ZNF18: variants seen among roughly 807,000 people sequenced by gnomAD.
ZNF18 encodes the protein zinc finger protein 18.
Under a neutral mutation model 58.1 loss-of-function variants are expected in ZNF18, and 42 were observed. The observed-to-expected ratio is 0.72, with a 90% CI of 0.56 to 0.93. The LOEUF (loss-of-function observed/expected upper bound fraction) is 0.93, where lower values mean the gene tolerates loss of function less well. Ranked by LOEUF, ZNF18 falls within the 40% of genes least tolerant of loss-of-function variation. The pLI, the probability that ZNF18 is intolerant of heterozygous loss-of-function variation, is 0.00. For synonymous variants in ZNF18, 231 were observed against 239.8 expected (o/e 0.96, Z 0.34); for missense variants, 540 against 644.2 (o/e 0.84, Z 1.75).
chr17:11,992,747 G>T lies in ZNF18; in HGVS notation c.83C>A (p.Ala28Asp), dbSNP rs1567607802. The part of the protein sequence containing the change: ...AEDSQFSESD[A>D]ALQEELSSPE... ...GCTGGAGAGTTCCTCTTGAAGGGCAGCATCTGATTCTGAGAACTGGGAGTC... is the reference window on the plus strand; with the variant it reads ...GCTGGAGAGTTCCTCTTGAAGGGCATCATCTGATTCTGAGAACTGGGAGTC... Residue 28 changes from alanine to aspartate, a missense_variant, in exon 2 of 7, where the codon GCT becomes GAT. Ala to Asp is a moderately radical substitution (Grantham distance 126, BLOSUM62 -2). Coordinates refer to ENST00000580306, the MANE Select transcript of ZNF18 (RefSeq NM_001303281.2). 6.2e-7 allele frequency: 1 copy of T among 1,614,144 alleles called. No individual in the cohort carries two copies. Among genetic ancestry groups the T allele is most frequent in the Non-Finnish European group, 8.5e-7 (1 of 1,180,058 alleles).
chr17:12,003,034 A>C, the ZNF18 span, among the ~76,000 whole-genome samples: 95,329 of 152,048 alleles, frequency 0.63, 30,569 homozygotes, highest in East Asian at 0.81. Context: ...GCAGAAGGAA[A>C]CTGAATTGTC....
the ZNF18 span, among the ~76,000 whole-genome samples, chr17:12,003,963 T>G: frequency 1.3e-5 from 2 of 152,208 alleles, no homozygotes; most frequent in Admixed American, 6.5e-5. Flanking sequence ...CCGGGTGCAG[T>G]GACTCACGCC....
chr17:11,990,882 A>T (rs943654573), intron 3 of ZNF18, 92 bp downstream of exon 3: 36 of 1,386,672 alleles, frequency 2.6e-5, no homozygotes, highest in Non-Finnish European at 3.5e-5. Flanking sequence ...GGGATACGCC[A>T]ATCTGAGCAG....
intron 6 of ZNF18, among the ~76,000 whole-genome samples, chr17:11,981,788 C>A (rs978733458): frequency 6.6e-6 from 1 of 151,994 alleles, no homozygotes; most frequent in East Asian, 1.9e-4. Flanking sequence ...TAAATCCTGT[C>A]CAAAAAAAAA....
At chr17:12,012,557 C>T in the ZNF18 span, among the ~76,000 whole-genome samples, 291 of 152,316 alleles carry the variant, frequency 1.9e-3, 1 homozygote, top group African/African-American at 6.7e-3. Flanking sequence ...TTGAGCTGTG[C>T]CAATGTACAT....
rs370071341 is a variant in ZNF18, at chr17:11,993,031, C to T, written c.-82-120G>A. 6.8e-6 allele frequency: 4 copies of T among 591,044 alleles called. No homozygotes were observed. In the African/African-American group the frequency reaches 7.4e-5, roughly 11 times the overall value. 36.6% of individuals were successfully genotyped at this position (591,044 alleles called of 1,614,324 possible). ...CAACTATGGAGCTTTTGAAATTGCT[C>T]AATGGATACACGATTCTATTTTGAA... On this transcript the variant is annotated intron_variant, in intron 1 of 6. Transcript: ENST00000580306.
At chr17:12,003,947 C>T in the ZNF18 span, among the ~76,000 whole-genome samples, 10 of 152,144 alleles carry the variant, frequency 6.6e-5, no homozygotes, top group African/African-American at 2.4e-4. Flanking sequence ...AAAGTGAGGG[C>T]CTGGGCCGGG....
At chr17:11,989,010 T>C (rs1432727726) in intron 4 of ZNF18, among the ~76,000 whole-genome samples, 1 of 151,696 alleles carries the variant, frequency 6.6e-6, no homozygotes, top group East Asian at 1.9e-4. Flanking sequence ...AATACAAAAA[T>C]TAGTCAGGCA....
chr17:12,012,501 G>A, the ZNF18 span, among the ~76,000 whole-genome samples: 1 of 152,138 alleles, frequency 6.6e-6, no homozygotes, highest in Admixed American at 6.6e-5. Context: ...GGGTTAAAGG[G>A]TATATACATT....
chr17:12,013,656 T>C, the ZNF18 span, among the ~76,000 whole-genome samples: 2 of 152,260 alleles, frequency 1.3e-5, no homozygotes, highest in African/African-American at 4.8e-5. Flanking sequence ...TCTTATGACA[T>C]TTCTCTCCTG....
chr17:12,017,372 C>T, the ZNF18 span, among the ~76,000 whole-genome samples: 4 of 152,148 alleles, frequency 2.6e-5, no homozygotes, highest in Non-Finnish European at 5.9e-5. Context: ...AGGCAACATC[C>T]GTCACTGGGT....
chr17:11,982,020 T>TCCTCTCCCTCTCTCACCTCCC (rs1427752605), intron 6 of ZNF18, among the ~76,000 whole-genome samples: 15 of 151,840 alleles, frequency 9.9e-5, no homozygotes, highest in African/African-American at 3.6e-4. Flanking sequence ...TCCTGTCTCC[T>TCCTCTCCCTCTCTCACCTCCC]CCTCTCCCTC....
chr17:12,011,107 T>C, the ZNF18 span: 1 of 676,562 alleles, frequency 1.5e-6, no homozygotes, highest in African/African-American at 1.8e-5. Flanking sequence ...TTGATGTCTA[T>C]AATATCACCT....
chr17:11,982,998 T>C (rs1339966752), intron 6 of ZNF18, among the ~76,000 whole-genome samples: 1 of 152,200 alleles, frequency 6.6e-6, no homozygotes, highest in South Asian at 2.1e-4. Flanking sequence ...GTATTGGTCT[T>C]AATTTGTGTG....
At chr17:12,019,210 C>T in the ZNF18 span, among the ~76,000 whole-genome samples, 8 of 151,924 alleles carry the variant, frequency 5.3e-5, no homozygotes, top group African/African-American at 9.7e-5. Context: ...GTAATCCACC[C>T]GCCTTGGCCT....
the ZNF18 span, chr17:12,020,869 G>A: frequency 2.8e-6 from 3 of 1,089,290 alleles, no homozygotes; most frequent in South Asian, 4.6e-5. Flanking sequence ...GGCGCCGCTC[G>A]GCTCTTCACT....
the ZNF18 span, among the ~76,000 whole-genome samples, chr17:12,003,495 T>C: frequency 2.0e-5 from 3 of 151,302 alleles, no homozygotes; most frequent in Non-Finnish European, 4.4e-5. Flanking sequence ...AGGAAATGAC[T>C]TCCTATAGTG....
chr17:12,012,800 C>T, the ZNF18 span, among the ~76,000 whole-genome samples: 1 of 152,156 alleles, frequency 6.6e-6, no homozygotes, highest in Non-Finnish European at 1.5e-5. Context: ...CTTGGTCTCC[C>T]AAAGTGTTGG....
upstream of ZNF18, among the ~76,000 whole-genome samples, chr17:12,000,746 T>C (rs989678393): frequency 2.0e-5 from 3 of 152,096 alleles, no homozygotes; most frequent in African/African-American, 7.2e-5. Flanking sequence ...GAAAGAATCA[T>C]CAACTAATCA....
Sources: allele counts gnomAD v4.1 joint callset (sites outside exome capture counted in the v4.1 genomes callset), GRCh38; gene constraint gnomAD v4.1.1; transcripts MANE v1.5; gene names NCBI Gene and HGNC (gene_info 2026-07-23, HGNC 2026-07-21).